Variants in C4orf17 observed in about 807,000 individuals in gnomAD.
C4orf17 encodes chromosome 4 open reading frame 17, also known as uncharacterized protein C4orf17.
C4orf17 carries 25 observed loss-of-function variants against 32.0 expected under a neutral mutation model. The ratio of observed to expected loss-of-function variants is 0.78; its 90% confidence interval spans 0.57 to 1.09. The LOEUF is 1.09. C4orf17 is among the 50% of genes least tolerant of loss of function. The pLI is 0.00. For synonymous variants in C4orf17, 149 were observed against 145.8 expected, an observed-to-expected ratio of 1.02 and a Z score of -0.16; for missense variants, 420 against 420.0, an observed-to-expected ratio of 1.00 and a Z score of 0.00.
intron 3 of C4orf17, among the ~76,000 whole-genome samples, chr4:99,523,801 G>T (rs993323130): frequency 6.6e-6 from 1 of 151,828 alleles, no homozygotes; most frequent in African/African-American, 2.4e-5. Context: ...GTATGAAATG[G>T]GTAGGGTTGA....
At chr4:99,521,955 A>G (rs1723293059) in intron 2 of C4orf17, among the ~76,000 whole-genome samples, 1 of 152,242 alleles carries the variant, frequency 6.6e-6, no homozygotes, top group South Asian at 2.1e-4. Flanking sequence ...AGTTCCTTTT[A>G]TACCAACTTC....
chr4:99,542,006 ACACT>A lies in C4orf17; in HGVS notation c.980_983del (p.Thr327ArgfsTer57), dbSNP rs1399047271. 1.1e-5 allele frequency: 18 copies of A among 1,613,958 alleles called. No homozygotes were observed. Among genetic ancestry groups the A allele is most frequent in the Non-Finnish European group, 1.5e-5 (18 of 1,179,844 alleles). On this transcript the variant is annotated frameshift_variant, in exon 9 of 9. Coordinates refer to ENST00000326581, the MANE Select transcript of C4orf17 (RefSeq NM_032149.3). LOFTEE classifies it low-confidence loss of function (END_TRUNC). ...AAACCAAATTCTCCTCCCAGGCCTA[ACACT>A]CAGGAGAGTGGATCAGCAAAACCAG...
intron 2 of C4orf17, among the ~76,000 whole-genome samples, chr4:99,514,757 A>G (rs1479762132): frequency 1.3e-5 from 2 of 152,202 alleles, no homozygotes; most frequent in Non-Finnish European, 2.9e-5. Flanking sequence ...ACTACTGGGT[A>G]TCTACTAAAA....
intron 2 of C4orf17, among the ~76,000 whole-genome samples, chr4:99,517,044 T>C (rs181863875): frequency 6.6e-6 from 1 of 152,254 alleles, no homozygotes; most frequent in Admixed American, 6.5e-5. Flanking sequence ...ACAACCTGCT[T>C]TTTAAAAGCG....
At chr4:99,527,636 A>G (rs1293579026) in intron 4 of C4orf17, among the ~76,000 whole-genome samples, 2 of 152,322 alleles carry the variant, frequency 1.3e-5, no homozygotes, top group East Asian at 3.9e-4. Flanking sequence ...ATCTAATGCC[A>G]CTGCTGATCT....
chr4:99,514,953 C>A (rs1195140631), intron 2 of C4orf17, among the ~76,000 whole-genome samples: 2 of 152,084 alleles, frequency 1.3e-5, no homozygotes, highest in African/African-American at 4.8e-5. Flanking sequence ...TCTTTTGCAG[C>A]GACTTGGATG....
At position 99,533,712 on chromosome 4, in the gene C4orf17, C is replaced by A. The variant is rs1723513276; in HGVS notation, c.546+3754C>A. On this transcript the variant is annotated intron_variant, in intron 5 of 8. Transcript: ENST00000326581. ...TCACAGGTACAGGGTGATTCTGAGA[C>A]CTGGTAAGGAGAGATAATGGGAGGT... is the stretch of plus-strand genomic sequence containing the variant. Among the ~76,000 whole-genome samples, 3 of 152,210 alleles carry A rather than the reference C, an allele frequency of 2.0e-5. No homozygotes were observed. In the South Asian group the frequency reaches 6.2e-4, roughly 32 times the overall value.
At chr4:99,519,206 A>T (rs1197148943) in intron 2 of C4orf17, 1 of 152,202 alleles carries the variant, frequency 6.6e-6, no homozygotes, top group Non-Finnish European at 1.5e-5. Flanking sequence ...GGCCTTTGTA[A>T]TTCCCACCAA....
chr4:99,540,112 A>C (rs1324061098), intron 7 of C4orf17, among the ~76,000 whole-genome samples: 1 of 152,134 alleles, frequency 6.6e-6, no homozygotes, highest in African/African-American at 2.4e-5. Context: ...TAAGACAAAA[A>C]AATTGTATTA....
At chr4:99,526,403 G>GAAATAAAATAAAAAAAAAATAAA in intron 4 of C4orf17, among the ~76,000 whole-genome samples, 1 of 152,102 alleles carries the variant, frequency 6.6e-6, no homozygotes, top group African/African-American at 2.4e-5. Context: ...AAAATTTTTA[G>GAAATAAAATAAAAAAAAAATAAA]CATTCTTGTG....
intron 1 of C4orf17, 85 bp downstream of exon 1, chr4:99,511,357 C>T (rs1366645773): frequency 6.6e-6 from 1 of 151,310 alleles, no homozygotes; most frequent in Non-Finnish European, 1.5e-5. Context: ...ATTCTTTTTT[C>T]AAGAGTATGT....
At chr4:99,513,291 T>G in intron 2 of C4orf17, 83 bp downstream of exon 2, 1 of 1,525,188 alleles carries the variant, frequency 6.6e-7, no homozygotes, top group Non-Finnish European at 9.0e-7. Flanking sequence ...AACACAACGC[T>G]GCTATTCAAA....
intron 2 of C4orf17, among the ~76,000 whole-genome samples, chr4:99,518,500 AAAAAAAAAAAAAAAAAAAAT>A (rs1723224096): frequency 3.5e-5 from 2 of 57,668 alleles, no homozygotes; most frequent in African/African-American, 1.1e-4. Flanking sequence ...AAAAAAAAAA[AAAAAAAAAAAAAAAAAAAAT>A]ATATATATAT....
intron 2 of C4orf17, among the ~76,000 whole-genome samples, chr4:99,514,799 T>C (rs546181399): frequency 1.3e-5 from 2 of 152,274 alleles, no homozygotes; most frequent in East Asian, 3.9e-4. Context: ...AAAAGACACA[T>C]GTACATGCAT....
rs200838250 is a variant in C4orf17, at chr4:99,533,810, G to A, written c.546+3852G>A. 3.7e-3 allele frequency among the ~76,000 whole-genome samples: 239 copies of A among 65,416 alleles called. 1 individual carries two copies. Among genetic ancestry groups the A allele is most frequent in the African/African-American group, 0.02 (222 of 11,234 alleles). 42.9% of individuals were successfully genotyped at this position (65,416 alleles called of 152,430 possible). A position where few individuals can be genotyped will look rare whatever the true frequency, so the allele number is the denominator to read the frequency against. ...CTTGCCAGAGTGAAGATACCTTGCGGGAACATACCAGGACTTCAATTCAGA... is the reference window on the plus strand; with the variant it reads ...CTTGCCAGAGTGAAGATACCTTGCGAGAACATACCAGGACTTCAATTCAGA... On this transcript the variant is annotated intron_variant, in intron 5 of 8. Transcript: ENST00000326581.
chr4:99,519,782 G>C (rs1723254023), intron 2 of C4orf17, among the ~76,000 whole-genome samples: 1 of 152,192 alleles, frequency 6.6e-6, no homozygotes, highest in South Asian at 2.1e-4. Context: ...ATCAAAGTGG[G>C]AAGGAATGAG....
At chr4:99,540,267 A>G (rs552212868) in intron 7 of C4orf17, 145 bp from the exon 8 acceptor site, 153 of 524,290 alleles carry the variant, frequency 2.9e-4, no homozygotes, top group African/African-American at 2.6e-3. Flanking sequence ...AGTAAATTTA[A>G]TACTGTATGC....
At chr4:99,516,983 G>GA (rs58926457) in intron 2 of C4orf17, among the ~76,000 whole-genome samples, 5,613 of 152,190 alleles carry the variant, frequency 0.037, 339 homozygotes, top group African/African-American at 0.13. Context: ...CAAGTAACTG[G>GA]AAAGTCCATC....
Position 99,529,835 on chromosome 4 carries a change from A to T in C4orf17, c.423A>T (p.Arg141Ser). ...VIKKEEIKAK[R>S]PPSPPKACST... is the part of the protein sequence containing the mutation. ...TTTAGGAAGAAATTAAGGCCAAAAG[A>T]CCACCATCACCTCCAAAGGCATGCT... Residue 141 changes from arginine (R) to serine (S), a missense_variant, in exon 5 of 9, where the codon AGA becomes AGT. Arg to Ser is a moderately radical substitution (Grantham distance 110). Transcript: ENST00000326581. 6.2e-7 allele frequency: 1 copy of T among 1,610,786 alleles called. No individual in the cohort carries two copies. Among genetic ancestry groups the T allele is most frequent in the Non-Finnish European group, 8.5e-7 (1 of 1,178,592 alleles).
Sources: allele counts gnomAD v4.1 joint callset (sites outside exome capture counted in the v4.1 genomes callset), GRCh38; gene constraint gnomAD v4.1.1; transcripts MANE v1.5; gene names NCBI Gene and HGNC (gene_info 2026-07-23, HGNC 2026-07-21).